Variants in GALNT13 observed in about 807,000 individuals in gnomAD.
GALNT13 encodes UDP-GalNAc:polypeptide N-acetylgalactosaminyltransferase 13.
Under a neutral mutation model 64.2 loss-of-function variants are expected in GALNT13, and 28 were observed. The ratio of observed to expected loss-of-function variants is 0.44; its 90% CI spans 0.32 to 0.60. The LOEUF (loss-of-function observed/expected upper bound fraction) is 0.60, where lower values mean the gene tolerates loss of function less well. GALNT13 is among the 20% of genes least tolerant of loss of function. The pLI, the probability that GALNT13 is intolerant of heterozygous loss-of-function variation, is 0.05. For synonymous variants in GALNT13, 214 were observed against 224.6 expected (o/e 0.95, Z 0.42); for missense variants, 577 against 669.8 (o/e 0.86, Z 1.53).
the GALNT13 span, among the ~76,000 whole-genome samples, chr2:153,484,515 A>G: frequency 6.6e-6 from 1 of 152,236 alleles, no homozygotes; most frequent in South Asian, 2.1e-4. Context: ...TTATTTTTAC[A>G]GAAAGCAAAA....
At chr2:153,440,106 C>G in the GALNT13 span, among the ~76,000 whole-genome samples, 1 of 152,076 alleles carries the variant, frequency 6.6e-6, no homozygotes, top group Admixed American at 6.5e-5. Flanking sequence ...CCCCTAGCCC[C>G]CCACCCCCAA....
the GALNT13 span, among the ~76,000 whole-genome samples, chr2:153,504,095 C>T: frequency 0.084 from 12,743 of 152,070 alleles, 549 homozygotes; most frequent in South Asian, 0.15. Flanking sequence ...TTCTTAGAAA[C>T]CTTTCACCTC....
At chr2:153,489,764 T>C in the GALNT13 span, among the ~76,000 whole-genome samples, 6 of 152,288 alleles carry the variant, frequency 3.9e-5, no homozygotes, top group African/African-American at 1.4e-4. Context: ...CTATTGGTTC[T>C]CAAACCAGAT....
Position 154,315,701 on chromosome 2 carries a change from TTGTTA to T in GALNT13, c.1156+14114_1156+14118del, listed in dbSNP as rs1694282313. Among the ~76,000 whole-genome samples the T allele has an allele frequency of 2.0e-5, 3 of 152,232 alleles. No individual in the cohort carries two copies. The South Asian group carries it at 6.2e-4, about 31-fold the overall frequency. On this transcript the variant is annotated intron_variant, in intron 9 of 12. Transcript: ENST00000392825. ...GGAAACATTCACCAAAATTAAATGA[TTGTTA>T]TATTTTACAAATTGATTTAACTGGA...
chr2:153,843,874 G>C, the GALNT13 span, among the ~76,000 whole-genome samples: 2 of 152,196 alleles, frequency 1.3e-5, no homozygotes, highest in African/African-American at 4.8e-5. Context: ...AATCTGCTTA[G>C]GTTCCATGTA....
At chr2:153,677,706 T>A in the GALNT13 span, among the ~76,000 whole-genome samples, 1 of 151,612 alleles carries the variant, frequency 6.6e-6, no homozygotes, top group East Asian at 1.9e-4. Context: ...CTTACAAAAA[T>A]AGACACAGAC....
intron 4 of GALNT13, among the ~76,000 whole-genome samples, chr2:154,154,636 A>G (rs1013674761): frequency 6.6e-6 from 1 of 152,182 alleles, no homozygotes; most frequent in African/African-American, 2.4e-5. Context: ...CCTAAGAAAC[A>G]TAAAGCAATA....
intron 3 of GALNT13, among the ~76,000 whole-genome samples, chr2:154,065,204 G>A (rs1050638936): frequency 4.6e-5 from 7 of 152,094 alleles, no homozygotes; most frequent in African/African-American, 1.7e-4. Context: ...TGCCAGCTCA[G>A]CTGCAGTAGA....
intron 3 of GALNT13, among the ~76,000 whole-genome samples, chr2:154,088,044 T>C (rs1701620141): frequency 6.6e-6 from 1 of 152,130 alleles, no homozygotes; most frequent in South Asian, 2.1e-4. Flanking sequence ...AAGTAGATAC[T>C]AATTAACTAT....
At chr2:153,822,735 C>G in the GALNT13 span, among the ~76,000 whole-genome samples, 1 of 152,102 alleles carries the variant, frequency 6.6e-6, no homozygotes, top group Admixed American at 6.5e-5. Flanking sequence ...TACTCACTCT[C>G]ACCACTCCTG....
At chr2:154,183,668 T>C (rs1159501572) in intron 4 of GALNT13, among the ~76,000 whole-genome samples, 1 of 152,052 alleles carries the variant, frequency 6.6e-6, no homozygotes, top group African/African-American at 2.4e-5. Context: ...GCCATGATCA[T>C]GCCACTGCAC....
chr2:153,543,463 CA>C, the GALNT13 span, among the ~76,000 whole-genome samples: 1 of 152,154 alleles, frequency 6.6e-6, no homozygotes, highest in Admixed American at 6.5e-5. Flanking sequence ...TTTATTAAAG[CA>C]TTTGTGATCT....
At chr2:153,420,092 T>C in the GALNT13 span, among the ~76,000 whole-genome samples, 3 of 152,184 alleles carry the variant, frequency 2.0e-5, no homozygotes, top group Non-Finnish European at 4.4e-5. Context: ...CAAAGCATTA[T>C]TGGGAAAAAA....
Position 154,029,855 on chromosome 2 carries a change from A to T in GALNT13, c.142+85216A>T, listed in dbSNP as rs1698229820. Among the ~76,000 whole-genome samples, 3 of 152,312 alleles carry T rather than the reference A, an allele frequency of 2.0e-5. No homozygotes were observed. In the South Asian group the frequency reaches 6.2e-4, roughly 32 times the overall value. ...AGGTAATTTTAGCAGGCAGCTGGAA[A>T]GCATAAGAAAGAGTCAGATGGAAAT... is the stretch of plus-strand genomic sequence containing the variant. On this transcript the variant is annotated intron_variant, in intron 3 of 12. Coordinates refer to ENST00000392825, the MANE Select transcript of GALNT13 (RefSeq NM_052917.4).
At chr2:153,915,333 A>G (rs539970585) in intron 2 of GALNT13, among the ~76,000 whole-genome samples, 1 of 152,162 alleles carries the variant, frequency 6.6e-6, no homozygotes, top group Non-Finnish European at 1.5e-5. Flanking sequence ...ACTGGTCTCT[A>G]CTCTGGACTG....
At chr2:153,839,292 T>C in the GALNT13 span, among the ~76,000 whole-genome samples, 2 of 151,924 alleles carry the variant, frequency 1.3e-5, no homozygotes, top group Non-Finnish European at 2.9e-5. Flanking sequence ...CTTCTAGTAC[T>C]ATATTGAATA....
the GALNT13 span, among the ~76,000 whole-genome samples, chr2:153,226,302 T>C: frequency 2.0e-5 from 3 of 152,226 alleles, no homozygotes; most frequent in South Asian, 6.2e-4. Flanking sequence ...GACAGAATAG[T>C]CAACATAGAA....
At chr2:153,558,899 C>T in the GALNT13 span, among the ~76,000 whole-genome samples, 1 of 152,152 alleles carries the variant, frequency 6.6e-6, no homozygotes, top group South Asian at 2.1e-4. Flanking sequence ...ATACCACTCT[C>T]TGGAAAGCCA....
At chr2:153,196,680 C>G in the GALNT13 span, among the ~76,000 whole-genome samples, 1 of 152,060 alleles carries the variant, frequency 6.6e-6, no homozygotes, top group Non-Finnish European at 1.5e-5. Flanking sequence ...TCTCACTGGG[C>G]ACCTTTCTGC....
Sources: allele counts gnomAD v4.1 joint callset (sites outside exome capture counted in the v4.1 genomes callset), GRCh38; gene constraint gnomAD v4.1.1; transcripts MANE v1.5; gene names NCBI Gene and HGNC (gene_info 2026-07-23, HGNC 2026-07-21).